Variants in CDC45 observed in about 807,000 individuals in gnomAD.
The protein encoded by CDC45 is cell division control protein 45 homolog.
A neutral mutation model predicts 77.8 loss-of-function variants in CDC45; 54 were observed. The ratio of observed to expected loss-of-function variants is 0.69; its 90% CI spans 0.56 to 0.87. The LOEUF is 0.87. CDC45 is among the 40% of genes least tolerant of loss of function. CDC45 has a pLI of 0.00. For missense variants in CDC45, 649 were observed against 721.6 expected, an observed-to-expected ratio of 0.90 and a Z score of 1.15; for synonymous variants, 260 against 272.1, an observed-to-expected ratio of 0.96 and a Z score of 0.44.
intron 18 of CDC45, among the ~76,000 whole-genome samples, chr22:19,519,151 G>A (rs1460121496): frequency 6.6e-6 from 1 of 152,216 alleles, no homozygotes; most frequent in Non-Finnish European, 1.5e-5. Flanking sequence ...TTCAGAAAGA[G>A]CTGGTATTCA....
At chr22:19,484,574 C>T (rs554789606) in intron 5 of CDC45, among the ~76,000 whole-genome samples, 1 of 150,940 alleles carries the variant, frequency 6.6e-6, no homozygotes, top group South Asian at 2.1e-4. Flanking sequence ...GTGGTTGTTC[C>T]CATAGCACGG....
In CDC45 at chr22:19,505,515, A is replaced by G. The variant is rs781490932; in HGVS notation, c.824+34A>G. On this transcript the variant is annotated intron_variant, in intron 10 of 18. Transcript: ENST00000263201. ...GTGGCCCAGCCTGAGGGGCACAGGC[A>G]GCACCCCTGCTCAGCAGGCCTTGTT... 11 of 1,611,384 alleles carry G rather than the reference A, an allele frequency of 6.8e-6. No homozygotes were observed. In the South Asian group the frequency reaches 9.9e-5, roughly 14 times the overall value.
intron 2 of CDC45, 122 bp downstream of exon 2, chr22:19,480,339 G>A (rs894546807): frequency 1.6e-5 from 15 of 910,558 alleles, no homozygotes; most frequent in Non-Finnish European, 2.5e-5. Flanking sequence ...GAGGGAGCAG[G>A]GCAGGAGGTG....
At chr22:19,479,536 A>G (rs1359157249), upstream of CDC45, 8 of 564,448 alleles carry the variant, frequency 1.4e-5, no homozygotes, top group East Asian at 2.8e-4. Context: ...AAACCACACC[A>G]AAAACCTATT....
intron 5 of CDC45, among the ~76,000 whole-genome samples, chr22:19,488,669 A>G (rs772012553): frequency 6.6e-6 from 1 of 152,308 alleles, no homozygotes; most frequent in South Asian, 2.1e-4. Context: ...CATAATGTCT[A>G]CACAATTCAC....
At chr22:19,494,267 T>C in intron 5 of CDC45, 60 bp from the exon 6 acceptor site, 5 of 1,490,346 alleles carry the variant, frequency 3.4e-6, no homozygotes, top group Non-Finnish European at 4.6e-6. Context: ...CTTCTTGGGC[T>C]GTGGGGATAA....
In CDC45 at chr22:19,508,569, T is replaced by C. The variant is rs760304267; in HGVS notation, c.1095T>C (p.Phe365=). 1 of 1,614,234 alleles carries C rather than the reference T, an allele frequency of 6.2e-7. No individual in the cohort carries two copies. Among genetic ancestry groups the C allele is most frequent in the Admixed American group, 1.7e-5 (1 of 60,028 alleles). The change falls in exon 13 of 19, where the codon TTT becomes TTC. Residue 365 remains phenylalanine (F), a synonymous_variant. Transcript: ENST00000263201. ...GCGTGCAGACTTTCAGCATTCATTT[T>C]GGGTTCAAGCACAAGTTTCTGGCCA... ...DMRVQTFSIH[F]GFKHKFLASD...
At chr22:19,498,911 A>G (rs1019009930) in intron 8 of CDC45, among the ~76,000 whole-genome samples, 190 bp from the exon 9 acceptor site, 9 of 152,144 alleles carry the variant, frequency 5.9e-5, no homozygotes, top group African/African-American at 9.7e-5. Flanking sequence ...CAAGGCCCCA[A>G]TTACCCTTCT....
In CDC45 at chr22:19,507,794, T is replaced by G; in HGVS notation, c.985T>G (p.Phe329Val). 1 of 1,601,640 alleles carries G rather than the reference T, an allele frequency of 6.2e-7. No homozygotes were observed. The highest frequency in any genetic ancestry group is 8.5e-7 in the Non-Finnish European group (1 of 1,175,660). Residue 329 changes from phenylalanine (F) to valine (V), a missense_variant, in exon 12 of 19, where the codon TTC (phenylalanine) becomes GTC (valine). By Grantham distance (50) the Phe-to-Val change is conservative. Transcript: ENST00000263201. The stretch of plus-strand genomic sequence containing the variant: ...TCCCCTGAAGCAGGTGAAGCAGAAG[T>G]TCCAGGCCATGGACATCTCCTTGAA... Reference protein sequence around the residue: ...GLPLKQVKQKFQAMDISLKEN... With the variant: ...GLPLKQVKQKVQAMDISLKEN...
intron 5 of CDC45, among the ~76,000 whole-genome samples, chr22:19,489,823 T>G (rs1003023815): frequency 6.6e-6 from 1 of 152,270 alleles, no homozygotes; most frequent in East Asian, 1.9e-4. Flanking sequence ...TGTTGAGTTC[T>G]GTTTGCTTGC....
At chr22:19,508,749 A>G (rs1292753370) in intron 13 of CDC45, 58 bp downstream of exon 13, 1 of 1,554,336 alleles carries the variant, frequency 6.4e-7, no homozygotes, top group Non-Finnish European at 8.8e-7. Flanking sequence ...CACACTGCCC[A>G]GGGAGGTCAG....
At chr22:19,485,714 CTTT>C (rs1445679821) in intron 5 of CDC45, among the ~76,000 whole-genome samples, 1 of 152,160 alleles carries the variant, frequency 6.6e-6, no homozygotes, top group Admixed American at 6.5e-5. Context: ...TTCCCACCAA[CTTT>C]TTATTTTGAA....
intron 8 of CDC45, among the ~76,000 whole-genome samples, chr22:19,498,024 AT>A (rs2090274818): frequency 6.7e-6 from 1 of 148,520 alleles, no homozygotes; most frequent in African/African-American, 2.4e-5. Flanking sequence ...AAAAAAAAAA[AT>A]TAGCCAGGCG....
At chr22:19,507,354 G>A in intron 10 of CDC45, 32 bp from the exon 11 acceptor site, 1 of 1,607,058 alleles carries the variant, frequency 6.2e-7, no homozygotes, top group Non-Finnish European at 8.5e-7. Flanking sequence ...GCGGCCAGTG[G>A]GTGCTTGCAT....
At chr22:19,517,051 C>T (rs968395962) in intron 17 of CDC45, among the ~76,000 whole-genome samples, 158 bp downstream of exon 17, 1 of 152,230 alleles carries the variant, frequency 6.6e-6, no homozygotes, top group African/African-American at 2.4e-5. Context: ...CCTGGTGGCT[C>T]AGGGAGCTCT....
chr22:19,494,472 A>G (rs773246748), intron 6 of CDC45, 90 bp downstream of exon 6: 2 of 1,575,732 alleles, frequency 1.3e-6, no homozygotes, highest in South Asian at 2.3e-5. Context: ...TTCCTGTCTC[A>G]GGATAATTTA....
chr22:19,484,285 T>C (rs1221258516), intron 5 of CDC45, among the ~76,000 whole-genome samples: 2 of 152,232 alleles, frequency 1.3e-5, no homozygotes, highest in Admixed American at 6.5e-5. Context: ...AAAAAAATAA[T>C]GTAGAGAAGC....
intron 13 of CDC45, among the ~76,000 whole-genome samples, chr22:19,513,725 G>A (rs577624441): frequency 8.5e-5 from 13 of 152,282 alleles, no homozygotes; most frequent in Non-Finnish European, 1.3e-4. Flanking sequence ...AAGAAAGGGC[G>A]CATGTGAGAT....
At chr22:19,496,493 C>T (rs1196143090) in intron 7 of CDC45, among the ~76,000 whole-genome samples, 1 of 152,218 alleles carries the variant, frequency 6.6e-6, no homozygotes, top group East Asian at 1.9e-4. Context: ...TTCAATAAAA[C>T]ATCCTGTATT....
Sources: allele counts gnomAD v4.1 joint callset (sites outside exome capture counted in the v4.1 genomes callset), GRCh38; gene constraint gnomAD v4.1.1; transcripts MANE v1.5; gene names NCBI Gene and HGNC (gene_info 2026-07-23, HGNC 2026-07-21).